The following FOXP2 variants were observed in gnomAD, a reference collection of about 807,000 sequenced individuals.
FOXP2 encodes the protein forkhead box protein P2.
A neutral mutation model predicts 115.8 loss-of-function variants in FOXP2; 12 were observed. The observed-to-expected ratio is 0.10, with a 90% confidence interval of 0.07 to 0.17. FOXP2 has a LOEUF of 0.17. Ranked by LOEUF, FOXP2 falls within the 10% of genes least tolerant of loss-of-function variation. The pLI is 1.00. For missense variants in FOXP2, 629 were observed against 843.5 expected, an observed-to-expected ratio of 0.75 and a Z score of 3.15; for synonymous variants, 328 against 297.7, an observed-to-expected ratio of 1.10 and a Z score of -1.05.
At chr7:114,265,505 G>A (rs569268515) in intron 1 of FOXP2, among the ~76,000 whole-genome samples, 2 of 152,274 alleles carry the variant, frequency 1.3e-5, no homozygotes, top group African/African-American at 2.4e-5. Flanking sequence ...TTTTGAGTGC[G>A]TGTGGCTTTT....
chr7:114,304,811 G>A (rs1346204537), intron 2 of FOXP2, among the ~76,000 whole-genome samples: 1 of 150,678 alleles, frequency 6.6e-6, no homozygotes, highest in African/African-American at 2.4e-5. Flanking sequence ...TTTCCCACAT[G>A]TTCTCCTTTG....
chr7:114,509,314 C>T (rs1797964606), intron 2 of FOXP2, among the ~76,000 whole-genome samples: 1 of 151,774 alleles, frequency 6.6e-6, no homozygotes, highest in African/African-American at 2.4e-5. Context: ...GACAGTTTCG[C>T]TCTTGTTGCC....
chr7:114,238,656 C>T (rs1377727188), intron 1 of FOXP2, among the ~76,000 whole-genome samples: 1 of 151,918 alleles, frequency 6.6e-6, no homozygotes, highest in Non-Finnish European at 1.5e-5. Context: ...CCTGTAGTCC[C>T]AGCTACTAAG....
At chr7:114,543,412 G>A (rs1799775446) in intron 3 of FOXP2, among the ~76,000 whole-genome samples, 1 of 152,146 alleles carries the variant, frequency 6.6e-6, no homozygotes, top group African/African-American at 2.4e-5. Context: ...GGTGAGGTTT[G>A]TGCAGACTTT....
chr7:114,265,933 C>G (rs764344797), intron 1 of FOXP2, among the ~76,000 whole-genome samples: 1 of 152,208 alleles, frequency 6.6e-6, no homozygotes, highest in Non-Finnish European at 1.5e-5. Context: ...TGAGGTTGTG[C>G]AGGGCAATAG....
At chr7:114,221,560 A>AC (rs1308114006) in intron 1 of FOXP2, among the ~76,000 whole-genome samples, 6 of 151,206 alleles carry the variant, frequency 4.0e-5, no homozygotes, top group Non-Finnish European at 8.9e-5. Flanking sequence ...TTTATCCATT[A>AC]CCCCCCTCCC....
chr7:114,592,522 C>A (rs1001445851), intron 3 of FOXP2, among the ~76,000 whole-genome samples: 1 of 151,882 alleles, frequency 6.6e-6, no homozygotes, highest in Non-Finnish European at 1.5e-5. Flanking sequence ...TCTATTGAAC[C>A]TATCATGTTC....
intron 2 of FOXP2, chr7:114,297,427 A>T (rs1434862001): frequency 1.9e-6 from 1 of 530,252 alleles, no homozygotes; most frequent in Non-Finnish European, 3.5e-6. Flanking sequence ...GCCCAGAGCC[A>T]TGGCTGCTGC....
At chr7:114,554,019 TCTAGAAATAAAAA>T (rs1235415695) in intron 3 of FOXP2, among the ~76,000 whole-genome samples, 1 of 152,092 alleles carries the variant, frequency 6.6e-6, no homozygotes, top group African/African-American at 2.4e-5. Context: ...CTTAAAAACC[TCTAGAAATAAAAA>T]TCTCTATTAT....
chr7:114,390,634 G>C (rs1057076022), intron 2 of FOXP2, among the ~76,000 whole-genome samples: 4 of 151,932 alleles, frequency 2.6e-5, no homozygotes, highest in Admixed American at 1.3e-4. Flanking sequence ...GCTCACTGGA[G>C]CCTGAACCTC....
chr7:114,533,432 G>T (rs2129276680), intron 2 of FOXP2, among the ~76,000 whole-genome samples: 1 of 151,942 alleles, frequency 6.6e-6, no homozygotes, highest in East Asian at 1.9e-4. Context: ...ACACCAGCTG[G>T]CAGTGTAATG....
chr7:114,372,642 A>G (rs1792042085), intron 2 of FOXP2, among the ~76,000 whole-genome samples: 1 of 152,220 alleles, frequency 6.6e-6, no homozygotes, highest in Non-Finnish European at 1.5e-5. Flanking sequence ...CAAAATTAGT[A>G]ACTGATGAGC....
chr7:114,542,851 C>T (rs557610319), intron 3 of FOXP2, among the ~76,000 whole-genome samples: 1 of 149,950 alleles, frequency 6.7e-6, no homozygotes, highest in South Asian at 2.1e-4. Context: ...AGTGCAGTGG[C>T]AAGATTTCCT....
chr7:114,178,510 T>C (rs1331761544), intron 1 of FOXP2, among the ~76,000 whole-genome samples: 1 of 151,988 alleles, frequency 6.6e-6, no homozygotes, highest in African/African-American at 2.4e-5. Context: ...ATACAACTTG[T>C]TCTAGTTGCT....
intron 1 of FOXP2, among the ~76,000 whole-genome samples, chr7:114,258,943 T>G (rs1269776682): frequency 6.6e-6 from 1 of 152,176 alleles, no homozygotes; most frequent in African/African-American, 2.4e-5. Context: ...GGGGATGTGG[T>G]TTCCACTTGT....
intron 1 of FOXP2, among the ~76,000 whole-genome samples, chr7:114,420,569 T>G (rs1793573784): frequency 6.6e-6 from 1 of 151,954 alleles, no homozygotes; most frequent in East Asian, 1.9e-4. Flanking sequence ...TATTGGCAAC[T>G]AGGTAACATT....
At chr7:114,499,720 A>G (rs1797477922) in intron 2 of FOXP2, 1 of 152,192 alleles carries the variant, frequency 6.6e-6, no homozygotes, top group Admixed American at 6.5e-5. Flanking sequence ...AAATAAAAAC[A>G]CATTTAACTT....
At chr7:114,491,718 G>T (rs1203856114) in intron 2 of FOXP2, among the ~76,000 whole-genome samples, 4 of 152,118 alleles carry the variant, frequency 2.6e-5, no homozygotes, top group Admixed American at 6.6e-5. Flanking sequence ...TACGTTTATT[G>T]ATTTGCGTAT....
intron 2 of FOXP2, among the ~76,000 whole-genome samples, chr7:114,342,609 G>A (rs1373129055): frequency 7.9e-5 from 12 of 151,296 alleles, no homozygotes; most frequent in African/African-American, 2.4e-5. Context: ...TTTCAGATTC[G>A]AAAGAGCTTG....
Sources: gnomAD v4.1 joint callset for allele counts (sites outside exome capture counted in the v4.1 genomes callset) on GRCh38, gnomAD v4.1.1 for gene constraint, MANE v1.5 for transcripts, NCBI Gene and HGNC (gene_info 2026-07-23, HGNC 2026-07-21) for gene names.